Variants in ADCY3 observed in about 807,000 individuals in gnomAD.
The protein encoded by ADCY3 is adenylate cyclase 3, also known as adenylate cyclase type 3.
ADCY3 carries 70 observed loss-of-function variants against 119.4 expected under a neutral mutation model. The observed-to-expected ratio is 0.59, with a 90% CI of 0.48 to 0.72. ADCY3 has a LOEUF of 0.72. ADCY3 is among the 30% of genes least tolerant of loss of function. The pLI, the probability that ADCY3 is intolerant of heterozygous loss-of-function variation, is 0.00. For missense variants in ADCY3, 1,238 were observed against 1,541.6 expected (o/e 0.80, Z 3.30); for synonymous variants, 672 against 621.4 (o/e 1.08, Z -1.21).
chr2:24,897,925 T>C (rs952217501), intron 2 of ADCY3, among the ~76,000 whole-genome samples: 4 of 152,158 alleles, frequency 2.6e-5, no homozygotes, highest in African/African-American at 9.7e-5. Context: ...CAGAATCATC[T>C]TCCTGAAAGG....
intron 3 of ADCY3, among the ~76,000 whole-genome samples, chr2:24,866,209 T>A (rs1292549983): frequency 6.6e-6 from 1 of 152,154 alleles, no homozygotes; most frequent in East Asian, 1.9e-4. Flanking sequence ...CTATTTCCTA[T>A]CTGCCCCTGC....
At position 24,874,349 on chromosome 2, in the gene ADCY3, G is replaced by A. The variant is rs557188437; in HGVS notation, c.676-1630C>T. Among the ~76,000 whole-genome samples, 4 of 152,332 alleles carry A rather than the reference G, an allele frequency of 2.6e-5. No homozygotes were observed. In the South Asian group the frequency reaches 8.3e-4, roughly 32 times the overall value. On this transcript the variant is annotated intron_variant, in intron 2 of 21. Coordinates refer to ENST00000679454, the MANE Select transcript of ADCY3 (RefSeq NM_004036.5). ...AGCCCCAGTCGCCTACCCCGTTTGT[G>A]GGGCAAGTCTGTTGGGGCAGGACAA...
chr2:24,912,983 A>C (rs190152264), intron 2 of ADCY3, among the ~76,000 whole-genome samples: 2 of 152,336 alleles, frequency 1.3e-5, no homozygotes, highest in Admixed American at 1.3e-4. Context: ...ATGGCCCTGC[A>C]GTCCCCTTCT....
intron 2 of ADCY3, among the ~76,000 whole-genome samples, chr2:24,875,991 G>GC (rs200372442): frequency 6.7e-6 from 1 of 150,164 alleles, no homozygotes; most frequent in Admixed American, 6.6e-5. Context: ...CTTTTTGGGA[G>GC]GGGGGCGGTG....
At position 24,919,084 on chromosome 2, in the gene ADCY3, G is replaced by A. The variant is rs1271745697; in HGVS notation, c.-97C>T. On this transcript the variant is annotated 5_prime_UTR_variant, in exon 2 of 22. Coordinates refer to ENST00000679454, the MANE Select transcript of ADCY3 (RefSeq NM_004036.5). This position sits in a 1 kb window ranked among gnomAD's most constrained non-coding sequence, Gnocchi z 5.5. The stretch of plus-strand genomic sequence containing the variant: ...CTCTCAGGGCTCTCTGAGACCGGGG[G>A]AGGGCTGAGGGCCTCTTCTTGTCTG... The A allele has an allele frequency of 4.5e-5, 58 of 1,290,496 alleles. No homozygotes were observed. Among genetic ancestry groups the A allele is most frequent in the African/African-American group, 7.5e-5 (5 of 66,824 alleles). The allele number at this position is 1,290,496 out of a possible 1,614,324, so 79.9% of individuals were successfully genotyped here.
At chr2:24,904,336 C>A (rs536892601) in intron 2 of ADCY3, among the ~76,000 whole-genome samples, 6 of 152,076 alleles carry the variant, frequency 3.9e-5, no homozygotes, top group African/African-American at 1.4e-4. Flanking sequence ...TTGAGGCCAG[C>A]CTGACCAACA....
At chr2:24,857,473 A>G (rs1328369311) in intron 3 of ADCY3, among the ~76,000 whole-genome samples, 1 of 152,280 alleles carries the variant, frequency 6.6e-6, no homozygotes, top group African/African-American at 2.4e-5. Context: ...TTGCTGTCCA[A>G]TATGGCAGCC....
chr2:24,902,769 C>T (rs1310634579), intron 2 of ADCY3, among the ~76,000 whole-genome samples: 2 of 152,280 alleles, frequency 1.3e-5, no homozygotes, highest in East Asian at 1.9e-4. Flanking sequence ...GTGGCTCGTG[C>T]CTGTAATCCC....
chr2:24,867,153 T>C (rs570242043), intron 3 of ADCY3, among the ~76,000 whole-genome samples: 19 of 152,162 alleles, frequency 1.2e-4, no homozygotes, highest in Non-Finnish European at 2.2e-4. Flanking sequence ...ACAAAGAGCA[T>C]TGGGAAAGCA....
chr2:24,843,441 C>G (rs2148594222), intron 3 of ADCY3, among the ~76,000 whole-genome samples: 1 of 152,344 alleles, frequency 6.6e-6, no homozygotes, highest in East Asian at 1.9e-4. Flanking sequence ...CCATGTTGCC[C>G]AAGCTGGTCT....
chr2:24,836,582 C>G (rs1670351153), intron 9 of ADCY3, among the ~76,000 whole-genome samples: 1 of 152,206 alleles, frequency 6.6e-6, no homozygotes, highest in South Asian at 2.1e-4. Context: ...TCTGATATCT[C>G]ACTTCCAAAA....
intron 2 of ADCY3, chr2:24,877,960 CA>C (rs1226989208): frequency 6.4e-6 from 3 of 471,260 alleles, no homozygotes; most frequent in Non-Finnish European, 8.8e-6. Flanking sequence ...TGGACACCAC[CA>C]AAGTCACCTC....
At chr2:24,827,868 G>C (rs1668844743) in intron 14 of ADCY3, 34 bp downstream of exon 14, 2 of 1,612,110 alleles carry the variant, frequency 1.2e-6, no homozygotes, top group Non-Finnish European at 1.7e-6. Context: ...GGAGGAAGGA[G>C]ACAATACAGA....
chr2:24,844,262 T>A (rs1052086599), intron 3 of ADCY3, among the ~76,000 whole-genome samples: 2 of 151,972 alleles, frequency 1.3e-5, no homozygotes, highest in Admixed American at 6.6e-5. Flanking sequence ...GGGCGGGAAC[T>A]CAGGACCCCC....
At chr2:24,868,003 T>G (rs1366352945) in intron 3 of ADCY3, among the ~76,000 whole-genome samples, 1 of 152,190 alleles carries the variant, frequency 6.6e-6, no homozygotes, top group East Asian at 1.9e-4. Context: ...TGACATTATT[T>G]CATTTTTTAA....
chr2:24,835,178 T>C (rs370259470), intron 9 of ADCY3, among the ~76,000 whole-genome samples: 12 of 152,304 alleles, frequency 7.9e-5, no homozygotes, highest in African/African-American at 2.4e-4. Flanking sequence ...CCCAGAGCTC[T>C]GCAGGGAGGG....
chr2:24,893,206 A>T (rs542516758), intron 2 of ADCY3, among the ~76,000 whole-genome samples: 11 of 151,852 alleles, frequency 7.2e-5, no homozygotes, highest in African/African-American at 1.9e-4. Context: ...GCTAATTTTT[A>T]AAAAAATTTT....
rs1315815571 is a variant in ADCY3, at chr2:24,911,557, G to A, written c.675+6756C>T. ...CCCAGCTACTTGGGAGGCTGAGGCA[G>A]GAGAATTGCTTGAACCTGGGAAGCG... On this transcript the variant is annotated intron_variant, in intron 2 of 21. Transcript: ENST00000679454. Among the ~76,000 whole-genome samples the A allele has an allele frequency of 2.0e-5, 3 of 149,518 alleles. No individual in the cohort carries two copies. In the Admixed American group the frequency reaches 2.0e-4, roughly 10 times the overall value.
At chr2:24,894,440 T>C (rs559562457) in intron 2 of ADCY3, among the ~76,000 whole-genome samples, 1 of 152,192 alleles carries the variant, frequency 6.6e-6, no homozygotes, top group South Asian at 2.1e-4. Context: ...GTGCCACTGC[T>C]GTCGAGCCTG....
Sources: gnomAD v4.1 joint callset for allele counts (sites outside exome capture counted in the v4.1 genomes callset) on GRCh38, gnomAD v4.1.1 for gene constraint, Gnocchi (gnomAD v3.1) non-coding constraint, MANE v1.5 for transcripts, NCBI Gene and HGNC (gene_info 2026-07-23, HGNC 2026-07-21) for gene names.